CCDC178: variants seen among roughly 807,000 people sequenced by gnomAD.
The protein encoded by CCDC178 is coiled-coil domain-containing protein 178.
CCDC178 carries 126 observed loss-of-function variants against 117.4 expected under a neutral mutation model. The ratio of observed to expected loss-of-function variants is 1.07; its 90% CI spans 0.93 to 1.24. The LOEUF (loss-of-function observed/expected upper bound fraction) is 1.24, where lower values mean the gene tolerates loss of function less well. CCDC178 is among the 50% of genes most tolerant of loss of function. CCDC178 has a pLI of 0.00. For missense variants in CCDC178, 1,030 were observed against 986.9 expected, an observed-to-expected ratio of 1.04 and a Z score of -0.59; for synonymous variants, 283 against 313.4, an observed-to-expected ratio of 0.90 and a Z score of 1.02.
chr18:33,179,011 A>G (rs2058695690), intron 20 of CCDC178, among the ~76,000 whole-genome samples: 1 of 141,182 alleles, frequency 7.1e-6, no homozygotes, highest in African/African-American at 2.7e-5. Context: ...TAGTCCTTCC[A>G]GAACTGTTTA....
At chr18:32,942,710 A>G (rs753841487) in intron 22 of CCDC178, among the ~76,000 whole-genome samples, 1 of 152,092 alleles carries the variant, frequency 6.6e-6, no homozygotes, top group Non-Finnish European at 1.5e-5. Context: ...TTTTAATCAA[A>G]TTATCTCCCA....
At chr18:33,156,040 G>T (rs1274176662) in intron 20 of CCDC178, among the ~76,000 whole-genome samples, 1 of 148,932 alleles carries the variant, frequency 6.7e-6, no homozygotes, top group African/African-American at 2.5e-5. Context: ...TATCTTTGAG[G>T]ATACAGAGCA....
chr18:33,438,481 A>G (rs923544619), intron 2 of CCDC178, among the ~76,000 whole-genome samples: 4 of 151,956 alleles, frequency 2.6e-5, no homozygotes, highest in African/African-American at 9.7e-5. Flanking sequence ...AATGAAGTTA[A>G]AAGTTCAACA....
At chr18:33,363,547 A>T (rs2063158144) in intron 6 of CCDC178, among the ~76,000 whole-genome samples, 1 of 152,074 alleles carries the variant, frequency 6.6e-6, no homozygotes, top group African/African-American at 2.4e-5. Context: ...CTGACACCAT[A>T]TGCTGATAAA....
At chr18:33,328,208 T>C in intron 10 of CCDC178, 1 of 255,122 alleles carries the variant, frequency 3.9e-6, no homozygotes, top group South Asian at 3.7e-5. Flanking sequence ...GCTCAAGCGA[T>C]TCTTCTGCCT....
chr18:33,430,228 T>C (rs1177182783), intron 2 of CCDC178, among the ~76,000 whole-genome samples: 9 of 152,216 alleles, frequency 5.9e-5, no homozygotes, highest in African/African-American at 2.2e-4. Context: ...TTTGGAGCTT[T>C]ATTTATTCTT....
intron 4 of CCDC178, among the ~76,000 whole-genome samples, chr18:33,395,806 C>A (rs540005024): frequency 6.6e-6 from 1 of 152,048 alleles, no homozygotes; most frequent in East Asian, 1.9e-4. Flanking sequence ...AAGGTAGACA[C>A]CATAACTTAA....
chr18:33,307,420 T>A (rs1244179686), intron 11 of CCDC178, among the ~76,000 whole-genome samples: 1 of 152,158 alleles, frequency 6.6e-6, no homozygotes, highest in African/African-American at 2.4e-5. Flanking sequence ...CTGTGGAACT[T>A]TGAACTTGAG....
At chr18:33,350,850 G>GT (rs2144694762) in intron 7 of CCDC178, among the ~76,000 whole-genome samples, 1 of 152,108 alleles carries the variant, frequency 6.6e-6, no homozygotes, top group Admixed American at 6.5e-5. Context: ...CCGACAAACT[G>GT]TTTCTCGGTA....
chr18:33,020,578 ATGTGG>A (rs1248340492), intron 21 of CCDC178, among the ~76,000 whole-genome samples: 2 of 152,298 alleles, frequency 1.3e-5, no homozygotes, highest in South Asian at 2.1e-4. Context: ...TTGTGAATGT[ATGTGG>A]TGTGTGTTTA....
chr18:32,984,665 G>T (rs1452383612), intron 21 of CCDC178, among the ~76,000 whole-genome samples: 1 of 151,792 alleles, frequency 6.6e-6, no homozygotes, highest in Non-Finnish European at 1.5e-5. Context: ...TGTTCCTTGT[G>T]ATTGAAAAAA....
intron 20 of CCDC178, among the ~76,000 whole-genome samples, chr18:33,209,704 G>T (rs2059084640): frequency 1.3e-5 from 2 of 151,966 alleles, no homozygotes. Flanking sequence ...TCTAAACTCT[G>T]CATCTTCAGA....
chr18:33,191,738 A>G (rs987072957), intron 20 of CCDC178, among the ~76,000 whole-genome samples: 1 of 152,130 alleles, frequency 6.6e-6, no homozygotes, highest in Non-Finnish European at 1.5e-5. Context: ...TAGTAATCAA[A>G]TAAACTCTTT....
intron 21 of CCDC178, among the ~76,000 whole-genome samples, chr18:33,011,114 G>C (rs1380155679): frequency 6.6e-6 from 1 of 152,068 alleles, no homozygotes; most frequent in African/African-American, 2.4e-5. Context: ...AATCGTCAAA[G>C]CCTCATCCAG....
intron 21 of CCDC178, among the ~76,000 whole-genome samples, chr18:33,074,571 G>C (rs1188965378): frequency 6.6e-6 from 1 of 152,168 alleles, no homozygotes; most frequent in Non-Finnish European, 1.5e-5. Flanking sequence ...CCAACATTTG[G>C]AAGCTGAGCA....
At chr18:33,129,355 C>G (rs942491675) in intron 20 of CCDC178, among the ~76,000 whole-genome samples, 37 of 151,948 alleles carry the variant, frequency 2.4e-4, no homozygotes, top group African/African-American at 8.2e-4. Context: ...CATTAACTCC[C>G]TATTATGATG....
intron 15 of CCDC178, among the ~76,000 whole-genome samples, chr18:33,242,046 T>C (rs1325744127): frequency 6.6e-6 from 1 of 151,834 alleles, no homozygotes; most frequent in Non-Finnish European, 1.5e-5. Context: ...AAAGATAGCA[T>C]GGTACTGGCA....
At position 33,092,903 on chromosome 18, in the gene CCDC178, A is replaced by G. The variant is rs761878871; in HGVS notation, c.2246T>C (p.Ile749Thr). Residue 749 changes from isoleucine (I) to threonine (T), a missense_variant, in exon 21 of 23, where the codon ATA (isoleucine) becomes ACA (threonine). Ile to Thr is a moderately conservative substitution (Grantham distance 89). Transcript: ENST00000383096. ...QKTLQDTQKIIADSLEENLRL... is the reference protein window; with the variant it reads ...QKTLQDTQKITADSLEENLRL... ...CAGATTTTCTTCAAGTGAATCAGCT[A>G]TTATTTTCTAGAAGGTAAAAAAATA... is the stretch of plus-strand genomic sequence containing the variant. The G allele has an allele frequency of 6.5e-7, 1 of 1,547,556 alleles. No individual in the cohort carries two copies. Among genetic ancestry groups the G allele is most frequent in the Non-Finnish European group, 8.7e-7 (1 of 1,145,850 alleles).
intron 12 of CCDC178, among the ~76,000 whole-genome samples, chr18:33,283,210 G>C (rs749540165): frequency 6.6e-6 from 1 of 152,136 alleles, no homozygotes; most frequent in Non-Finnish European, 1.5e-5. Flanking sequence ...CAGTCTAGGA[G>C]TTAGGAGCTG....
Sources: allele counts gnomAD v4.1 joint callset (sites outside exome capture counted in the v4.1 genomes callset), GRCh38; gene constraint gnomAD v4.1.1; transcripts MANE v1.5; gene names NCBI Gene and HGNC (gene_info 2026-07-23, HGNC 2026-07-21).